TOP1: variants seen among roughly 807,000 people sequenced by gnomAD.
The protein encoded by TOP1 is DNA topoisomerase I, also known as DNA topoisomerase 1.
A neutral mutation model predicts 111.1 loss-of-function variants in TOP1; 10 were observed. The observed-to-expected ratio is 0.09, with a 90% CI of 0.06 to 0.15. TOP1 has a LOEUF of 0.15. Ranked by LOEUF, TOP1 falls within the 10% of genes least tolerant of loss-of-function variation. The probability of loss-of-function intolerance (pLI) is 1.00; values close to 1 mark genes in which losing one functional copy is unlikely to be tolerated. For missense variants in TOP1, 474 were observed against 926.7 expected (o/e 0.51, Z 6.34); for synonymous variants, 271 against 302.9 (o/e 0.89, Z 1.10).
intron 2 of TOP1, among the ~76,000 whole-genome samples, chr20:41,040,440 T>G (rs562305047): frequency 6.6e-6 from 1 of 152,266 alleles, no homozygotes; most frequent in African/African-American, 2.4e-5. Context: ...TCAGGATCTA[T>G]TTCTTAATTT....
Position 41,083,849 on chromosome 20 carries a change from C to T in TOP1, c.508-613C>T, listed in dbSNP as rs779900470. On this transcript the variant is annotated intron_variant, in intron 7 of 20. Transcript: ENST00000361337. The surrounding 1 kb of genome is among the most constrained non-coding windows in gnomAD (Gnocchi z 7.2). ...ATTGTGCCTGTTTAGGTTTGATGCC[C>T]GTTTATTGTGTCACTGTGATCAGCT... Among the ~76,000 whole-genome samples, 7 of 151,958 alleles carry T rather than the reference C, an allele frequency of 4.6e-5. No individual in the cohort carries two copies. Among genetic ancestry groups the T allele is most frequent in the African/African-American group, 4.8e-5 (2 of 41,354 alleles).
intron 2 of TOP1, among the ~76,000 whole-genome samples, chr20:41,040,691 A>G (rs546944666): frequency 6.6e-6 from 1 of 151,746 alleles, no homozygotes; most frequent in Admixed American, 6.6e-5. Context: ...CTGTAGTCCT[A>G]GATACTCAGG....
chr20:41,072,127 A>G (rs1229914982), intron 3 of TOP1: 1 of 606,102 alleles, frequency 1.6e-6, no homozygotes, highest in Non-Finnish European at 2.1e-6. Context: ...GCATTTTTCT[A>G]ATTTAGCCCT....
chr20:41,038,170 C>A (rs1430556865), intron 2 of TOP1, among the ~76,000 whole-genome samples: 1 of 152,088 alleles, frequency 6.6e-6, no homozygotes, highest in Non-Finnish European at 1.5e-5. Context: ...GGCCTCCAAC[C>A]CCCTCTACAT....
At position 41,061,033 on chromosome 20, in the gene TOP1, T is replaced by C. The variant is rs1186264022; in HGVS notation, c.59-361T>C. On this transcript the variant is annotated intron_variant, in intron 2 of 20. Coordinates refer to ENST00000361337, the MANE Select transcript of TOP1 (RefSeq NM_003286.4). The surrounding 1 kb of genome is among the most constrained non-coding windows in gnomAD (Gnocchi z 4.6). Reference sequence around the variant, plus strand: ...TGTTGAGGTTTGGATTTTTCAGAAGTTATAACATCTGATCTTTAGAGTCAG... The same window carrying C: ...TGTTGAGGTTTGGATTTTTCAGAAGCTATAACATCTGATCTTTAGAGTCAG... 6.6e-6 allele frequency among the ~76,000 whole-genome samples: 1 copy of C among 152,228 alleles called. No homozygotes were observed. The highest frequency in any genetic ancestry group is 1.5e-5 in the Non-Finnish European group (1 of 68,036).
At chr20:41,089,017 G>GTTATTTTTTTTTT in intron 8 of TOP1, among the ~76,000 whole-genome samples, 1 of 69,262 alleles carries the variant, frequency 1.4e-5, no homozygotes, top group African/African-American at 7.8e-5. Flanking sequence ...TGTTGCCCCA[G>GTTATTTTTTTTTT]TTCTTTTTTT....
chr20:41,069,091 C>A lies in TOP1; in HGVS notation c.156-7080C>A, dbSNP rs538224456. 6.6e-6 allele frequency among the ~76,000 whole-genome samples: 1 copy of A among 152,310 alleles called. No homozygotes were observed. Among genetic ancestry groups the A allele is most frequent in the East Asian group, 1.9e-4 (1 of 5,190 alleles). ...TCTGTACTGTCAGTGTGAGAAACATCTGAGAATAAGGATGCTTTTGGCTTC... is the reference window on the plus strand; with the variant it reads ...TCTGTACTGTCAGTGTGAGAAACATATGAGAATAAGGATGCTTTTGGCTTC... On this transcript the variant is annotated intron_variant, in intron 3 of 20. Transcript: ENST00000361337. The surrounding 1 kb of genome is among the most constrained non-coding windows in gnomAD (Gnocchi z 4.1).
At chr20:41,035,926 G>T (rs1203316061) in intron 2 of TOP1, among the ~76,000 whole-genome samples, 1 of 152,176 alleles carries the variant, frequency 6.6e-6, no homozygotes, top group African/African-American at 2.4e-5. Context: ...TACTTAACCT[G>T]ACTCCAGTAA....
At chr20:41,041,132 A>G (rs955792189) in intron 2 of TOP1, among the ~76,000 whole-genome samples, 7 of 152,034 alleles carry the variant, frequency 4.6e-5, no homozygotes, top group Non-Finnish European at 1.0e-4. Flanking sequence ...AGCTTTTGTT[A>G]TCCTCTTTTA....
In TOP1 at chr20:41,114,971, T is replaced by A. The variant is rs2034305237; in HGVS notation, c.1639-400T>A. Among the ~76,000 whole-genome samples the A allele has an allele frequency of 6.6e-6, 1 of 152,224 alleles. No homozygotes were observed. Among genetic ancestry groups the A allele is most frequent in the Non-Finnish European group, 1.5e-5 (1 of 68,046 alleles). On this transcript the variant is annotated intron_variant, in intron 15 of 20. Coordinates refer to ENST00000361337, the MANE Select transcript of TOP1 (RefSeq NM_003286.4). This position sits in a 1 kb window ranked among gnomAD's most constrained non-coding sequence, Gnocchi z 4.5. ...ATGTATCAATGTAAATTTTTGAAGC[T>A]GATACTGTGTAAATGTAAGGGAATA...
Position 41,097,242 on chromosome 20 carries a change from C to A in TOP1, c.753C>A (p.Pro251=), listed in dbSNP as rs746240193. 10 of 1,613,948 alleles carry A rather than the reference C, an allele frequency of 6.2e-6. 1 individual carries two copies. In the South Asian group the frequency reaches 1.1e-4, roughly 18 times the overall value. The change falls in exon 10 of 21, where the codon CCC becomes CCA. Residue 251 remains proline, a synonymous_variant. Transcript: ENST00000361337. This position sits in a 1 kb window ranked among gnomAD's most constrained non-coding sequence, Gnocchi z 4.2. The part of the protein sequence containing the change: ...YYDGKVMKLS[P]KAEEVATFFA... ...TAGGTAAAGTCATGAAGCTGAGCCC[C>A]AAAGCAGAGGAAGTAGCTACGTTCT...
In TOP1 at chr20:41,109,261, T is replaced by C. The variant is rs1453028830; in HGVS notation, c.1309-3521T>C. Among the ~76,000 whole-genome samples, 1 of 152,138 alleles carries C rather than the reference T, an allele frequency of 6.6e-6. No individual in the cohort carries two copies. The highest frequency in any genetic ancestry group is 1.9e-4 in the East Asian group (1 of 5,204). On this transcript the variant is annotated intron_variant, in intron 13 of 20. Coordinates refer to ENST00000361337, the MANE Select transcript of TOP1 (RefSeq NM_003286.4). The surrounding 1 kb of genome is among the most constrained non-coding windows in gnomAD (Gnocchi z 4.1). ...TAGAGAAAATAAGACACAAGCTCAT[T>C]AAAAATATATATATATTCTGAGCCT...
chr20:41,069,269 T>C lies in TOP1; in HGVS notation c.156-6902T>C, dbSNP rs73259872. On this transcript the variant is annotated intron_variant, in intron 3 of 20. Coordinates refer to ENST00000361337, the MANE Select transcript of TOP1 (RefSeq NM_003286.4). This position sits in a 1 kb window ranked among gnomAD's most constrained non-coding sequence, Gnocchi z 4.1. Reference sequence around the variant, plus strand: ...TAAAAGATATGTTTGCTGCTTTCCTTGTGAGTGGTTTGCCAAAGCCCTCCC... The same window carrying C: ...TAAAAGATATGTTTGCTGCTTTCCTCGTGAGTGGTTTGCCAAAGCCCTCCC... 6.6e-6 allele frequency among the ~76,000 whole-genome samples: 1 copy of C among 152,174 alleles called. No homozygotes were observed. Among genetic ancestry groups the C allele is most frequent in the Admixed American group, 6.5e-5 (1 of 15,290 alleles).
chr20:41,054,343 T>A (rs896468409), intron 2 of TOP1, among the ~76,000 whole-genome samples: 2 of 151,860 alleles, frequency 1.3e-5, no homozygotes, highest in African/African-American at 4.8e-5. Flanking sequence ...TTCTCCTTGC[T>A]GCCATCATTT....
In TOP1 at chr20:41,029,145, C is replaced by T. The variant is rs892974022; in HGVS notation, c.33+45C>T. The T allele has an allele frequency of 7.1e-7, 1 of 1,405,498 alleles. No individual in the cohort carries two copies. Among genetic ancestry groups the T allele is most frequent in the Non-Finnish European group, 9.3e-7 (1 of 1,072,434 alleles). 87.1% of individuals were successfully genotyped at this position (1,405,498 alleles called of 1,614,324 possible). On this transcript the variant is annotated intron_variant, in intron 1 of 20. Coordinates refer to ENST00000361337, the MANE Select transcript of TOP1 (RefSeq NM_003286.4). The surrounding 1 kb of genome is among the most constrained non-coding windows in gnomAD (Gnocchi z 6.1). ...TGGCGGCCCCGGACCCCGGCCTGGC[C>T]GTCCCGCGACCCCCGGCGCAGGCCC...
chr20:41,094,269 C>CA lies in TOP1; in HGVS notation c.730+1683dup, dbSNP rs535592271. On this transcript the variant is annotated intron_variant, in intron 9 of 20. Transcript: ENST00000361337. The surrounding 1 kb of genome is among the most constrained non-coding windows in gnomAD (Gnocchi z 4.4). The stretch of plus-strand genomic sequence containing the variant: ...AGCCTAAGACAGTTCTTTCAGCCCT[C>CA]ACGCTGGTCATTCCTGGAGACTCTT... 4.1e-4 allele frequency among the ~76,000 whole-genome samples: 63 copies of CA among 152,290 alleles called. No homozygotes were observed. Among genetic ancestry groups the CA allele is most frequent in the Non-Finnish European group, 8.5e-4 (58 of 68,016 alleles).
Position 41,112,279 on chromosome 20 carries a change from TCA to T in TOP1, c.1309-500_1309-499del, listed in dbSNP as rs2071755688. ...GTCCTGGTAGAAAACTGCTATTGGG[TCA>T]CAGAGTTGGCAGCAAGGCTGTGAAA... On this transcript the variant is annotated intron_variant, in intron 13 of 20. Transcript: ENST00000361337. The surrounding 1 kb of genome is among the most constrained non-coding windows in gnomAD (Gnocchi z 5.8). Among the ~76,000 whole-genome samples the T allele has an allele frequency of 6.6e-6, 1 of 152,198 alleles. No individual in the cohort carries two copies.
chr20:41,094,023 A>G lies in TOP1; in HGVS notation c.730+1436A>G, dbSNP rs2033952145. ...AGCCTAGATCGTGCCACTCCCCTCC[A>G]GCCTGTGTGACAGAGTGAGACCCTG... is the stretch of plus-strand genomic sequence containing the variant. On this transcript the variant is annotated intron_variant, in intron 9 of 20. Transcript: ENST00000361337. This position sits in a 1 kb window ranked among gnomAD's most constrained non-coding sequence, Gnocchi z 4.4. 6.6e-6 allele frequency among the ~76,000 whole-genome samples: 1 copy of G among 152,192 alleles called. No individual in the cohort carries two copies. The highest frequency in any genetic ancestry group is 1.5e-5 in the Non-Finnish European group (1 of 68,036).
At chr20:41,099,723 C>A (rs2034033166) in intron 11 of TOP1, among the ~76,000 whole-genome samples, 2 of 152,168 alleles carry the variant, frequency 1.3e-5, no homozygotes, top group Admixed American at 6.5e-5. Flanking sequence ...GACTCTTCTC[C>A]ATTTCCTGTT....
Sources: allele counts gnomAD v4.1 joint callset (sites outside exome capture counted in the v4.1 genomes callset), GRCh38; gene constraint gnomAD v4.1.1; non-coding constraint Gnocchi (gnomAD v3.1); transcripts MANE v1.5; gene names NCBI Gene and HGNC (gene_info 2026-07-23, HGNC 2026-07-21).